NDE1: variants seen among roughly 807,000 people sequenced by gnomAD.
NDE1 encodes nuclear distribution protein nudE homolog 1.
A neutral mutation model predicts 43.4 loss-of-function variants in NDE1; 28 were observed. That is an observed-to-expected ratio of 0.65 (90% CI 0.48 to 0.89). The LOEUF is 0.89. NDE1 is among the 40% of genes least tolerant of loss of function. The pLI is 0.00. For synonymous variants in NDE1, 184 were observed against 172.0 expected (o/e 1.07, Z -0.55); for missense variants, 441 against 434.1 (o/e 1.02, Z -0.14).
At chr16:15,706,677 AG>A (rs1375434941) in intron 8 of NDE1, among the ~76,000 whole-genome samples, 1 of 151,942 alleles carries the variant, frequency 6.6e-6, no homozygotes, top group Non-Finnish European at 1.5e-5. Flanking sequence ...ACTGCACTCC[AG>A]CCTGGGAAAC....
chr16:15,671,047 T>C (rs1567631604), intron 3 of NDE1, among the ~76,000 whole-genome samples: 1 of 152,178 alleles, frequency 6.6e-6, no homozygotes, highest in Admixed American at 6.6e-5. Context: ...TTGTTCAGCA[T>C]TTCCCCATGA....
chr16:15,708,172 T>C (rs527464582), intron 8 of NDE1, among the ~76,000 whole-genome samples: 27 of 152,238 alleles, frequency 1.8e-4, no homozygotes, highest in African/African-American at 6.3e-4. Context: ...AAAATGCAGT[T>C]TGTAGCTAGA....
At chr16:15,704,085 G>T in intron 8 of NDE1, 4 of 1,614,102 alleles carry the variant, frequency 2.5e-6, no homozygotes, top group Non-Finnish European at 3.4e-6. Context: ...ACGTCCTCCA[G>T]ACCTTCTAGA....
At chr16:15,667,904 A>T (rs2037399597) in intron 3 of NDE1, among the ~76,000 whole-genome samples, 1 of 151,220 alleles carries the variant, frequency 6.6e-6, no homozygotes, top group South Asian at 2.1e-4. Flanking sequence ...AGCAAGTCAC[A>T]CACATGTTCC....
At chr16:15,693,649 T>A (rs757266541) in intron 6 of NDE1, among the ~76,000 whole-genome samples, 70 of 151,440 alleles carry the variant, frequency 4.6e-4, no homozygotes, top group Admixed American at 2.3e-3. Flanking sequence ...AAAAAAAAAA[T>A]TTGTTAAAGG....
At chr16:15,647,905 C>T (rs949431346), upstream of NDE1, among the ~76,000 whole-genome samples, 1 of 151,900 alleles carries the variant, frequency 6.6e-6, no homozygotes, top group Non-Finnish European at 1.5e-5. Context: ...TGTTGGTGCA[C>T]ACCTGTGGTC....
At chr16:15,669,688 T>G (rs1213165022) in intron 3 of NDE1, among the ~76,000 whole-genome samples, 2 of 150,794 alleles carry the variant, frequency 1.3e-5, no homozygotes, top group Non-Finnish European at 3.0e-5. Flanking sequence ...AAGGACGAGG[T>G]TTCACCATGT....
In NDE1 at chr16:15,706,285, A is replaced by C. The variant is rs543932324; in HGVS notation, c.947+9425A>C. On this transcript the variant is annotated intron_variant, in intron 8 of 8. Transcript: ENST00000396354. ...TGACCCTTAAGTCTTTTTCTTTTTT[A>C]GCACTGTTTTCCAAGCGCTTGACTC... Among the ~76,000 whole-genome samples the C allele has an allele frequency of 2.0e-5, 3 of 152,148 alleles. No individual in the cohort carries two copies. The South Asian group carries it at 6.2e-4, about 32-fold the overall frequency.
upstream of NDE1, among the ~76,000 whole-genome samples, chr16:15,649,066 C>T (rs552548119): frequency 1.5e-3 from 228 of 151,602 alleles, 3 homozygotes; most frequent in Middle Eastern, 0.052. Flanking sequence ...TGTGGTGATG[C>T]GGGCCTGTGA....
At position 15,694,148 on chromosome 16, in the gene NDE1, T is replaced by A. The variant is rs1488403701; in HGVS notation, c.704-17T>A. 6.2e-7 allele frequency: 1 copy of A among 1,611,790 alleles called. No individual in the cohort carries two copies. Among genetic ancestry groups the A allele is most frequent in the East Asian group, 2.2e-5 (1 of 44,860 alleles). Reference sequence around the variant, plus strand: ...TATAGGTTGGTGAGTTACATGCTCTTCCCTTTGCACACCCAGGCCTGGACG... The same window carrying A: ...TATAGGTTGGTGAGTTACATGCTCTACCCTTTGCACACCCAGGCCTGGACG... On this transcript the variant is annotated splice_polypyrimidine_tract_variant and intron_variant, in intron 6 of 8. Coordinates refer to ENST00000396354, the MANE Select transcript of NDE1 (RefSeq NM_017668.3).
At chr16:15,706,714 AC>A (rs1251433293) in intron 8 of NDE1, among the ~76,000 whole-genome samples, 1 of 151,958 alleles carries the variant, frequency 6.6e-6, no homozygotes, top group Non-Finnish European at 1.5e-5. Flanking sequence ...AAAAAAAAAA[AC>A]AAAAAAAAAT....
intron 1 of NDE1, among the ~76,000 whole-genome samples, chr16:15,663,851 G>A (rs1233565646): frequency 6.6e-6 from 1 of 151,988 alleles, no homozygotes; most frequent in Non-Finnish European, 1.5e-5. Context: ...TGGTTCACTT[G>A]AGGTCAGGAG....
At chr16:15,722,882 T>G (rs1232843323) in intron 8 of NDE1, among the ~76,000 whole-genome samples, 2 of 152,170 alleles carry the variant, frequency 1.3e-5, no homozygotes, top group African/African-American at 4.8e-5. Context: ...TAGCAGGGAT[T>G]ACAGGCGTGC....
intron 8 of NDE1, chr16:15,703,685 C>CT (rs2039303518): frequency 2.2e-6 from 1 of 454,130 alleles, no homozygotes; most frequent in Non-Finnish European, 4.1e-6. Flanking sequence ...AAGTCCTGGG[C>CT]TGGAGCGTTC....
Position 15,677,908 on chromosome 16 carries a change from A to G in NDE1, c.345A>G (p.Arg115=). 1 of 1,614,094 alleles carries G rather than the reference A, an allele frequency of 6.2e-7. No individual in the cohort carries two copies. Among genetic ancestry groups the G allele is most frequent in the Non-Finnish European group, 8.5e-7 (1 of 1,180,032 alleles). ...AAGACCAATTGCAGAAATACATCAG[A>G]GAGCTGGAGCAAGCAAATGACGACC... ...AIKDQLQKYI[R]ELEQANDDLE... is the part of the protein sequence containing the mutation. Residue 115 remains arginine (R), a synonymous_variant, in exon 4 of 9, where the codon AGA becomes AGG. Transcript: ENST00000396354.
intron 3 of NDE1, among the ~76,000 whole-genome samples, chr16:15,673,547 A>ATTTT (rs34853720): frequency 8.0e-5 from 11 of 137,642 alleles, no homozygotes; most frequent in African/African-American, 2.9e-4. Flanking sequence ...CAGGCTGGTG[A>ATTTT]TTTTTTTTTT....
At chr16:15,667,077 C>G (rs929580324) in intron 2 of NDE1, among the ~76,000 whole-genome samples, 6 of 152,102 alleles carry the variant, frequency 3.9e-5, no homozygotes, top group Admixed American at 1.3e-4. Context: ...GAAACCCCGT[C>G]ACTACTAAAA....
At chr16:15,708,401 A>T (rs1242232137) in intron 8 of NDE1, among the ~76,000 whole-genome samples, 2 of 152,222 alleles carry the variant, frequency 1.3e-5, no homozygotes, top group East Asian at 3.9e-4. Flanking sequence ...TGTCATATTC[A>T]TTCAGTGCAG....
chr16:15,703,398 G>A (rs1268510678), intron 8 of NDE1: 1 of 238,702 alleles, frequency 4.2e-6, no homozygotes, highest in Non-Finnish European at 8.3e-6. Context: ...ACCCATTTCG[G>A]TGACTTTCTC....
Sources: gnomAD v4.1 joint callset for allele counts (sites outside exome capture counted in the v4.1 genomes callset) on GRCh38, gnomAD v4.1.1 for gene constraint, MANE v1.5 for transcripts, NCBI Gene and HGNC (gene_info 2026-07-23, HGNC 2026-07-21) for gene names.